The following VMP1 variants were observed in gnomAD, a reference collection of about 807,000 sequenced individuals.
VMP1 encodes ectopic P-granules autophagy protein 3 homolog.
VMP1 carries 11 observed loss-of-function variants against 56.0 expected under a neutral mutation model. That is an observed-to-expected ratio of 0.20 (90% CI 0.12 to 0.32). The LOEUF is 0.32. VMP1 is among the 10% of genes least tolerant of loss of function. The pLI, the probability that VMP1 is intolerant of heterozygous loss-of-function variation, is 1.00. For missense variants in VMP1, 296 were observed against 490.3 expected (o/e 0.60, Z 3.74); for synonymous variants, 149 against 165.0 (o/e 0.90, Z 0.74).
chr17:59,780,043 T>C (rs946722935), intron 7 of VMP1, among the ~76,000 whole-genome samples: 3 of 152,214 alleles, frequency 2.0e-5, no homozygotes, highest in African/African-American at 7.2e-5. Context: ...ATCTCTTATG[T>C]CCCTGATTAG....
intron 10 of VMP1, among the ~76,000 whole-genome samples, chr17:59,830,512 A>G (rs2038774528): frequency 6.6e-6 from 1 of 152,340 alleles, no homozygotes; most frequent in African/African-American, 2.4e-5. Flanking sequence ...AGCACAAACA[A>G]TGAAATAAAG....
At chr17:59,712,283 A>G (rs2143694211) in intron 1 of VMP1, among the ~76,000 whole-genome samples, 1 of 152,322 alleles carries the variant, frequency 6.6e-6, no homozygotes, top group South Asian at 2.1e-4. Flanking sequence ...GTAAATAAAT[A>G]TCTGAGTATA....
intron 7 of VMP1, among the ~76,000 whole-genome samples, chr17:59,796,325 G>T (rs1377844185): frequency 6.6e-6 from 1 of 152,146 alleles, no homozygotes; most frequent in Non-Finnish European, 1.5e-5. Flanking sequence ...AACTCCATGA[G>T]GTTCCAGATT....
intron 10 of VMP1, among the ~76,000 whole-genome samples, chr17:59,830,273 G>A (rs992584295): frequency 1.3e-5 from 2 of 152,110 alleles, no homozygotes; most frequent in African/African-American, 2.4e-5. Context: ...ATATTGCCCA[G>A]GCTGGTCTTG....
intron 3 of VMP1, among the ~76,000 whole-genome samples, chr17:59,736,965 C>T (rs906222222): frequency 2.6e-5 from 4 of 152,158 alleles, no homozygotes; most frequent in Non-Finnish European, 5.9e-5. Flanking sequence ...AGCTTGAACC[C>T]GGGAGGTGGA....
chr17:59,748,923 C>G (rs1218547644), intron 5 of VMP1, among the ~76,000 whole-genome samples: 4 of 146,122 alleles, frequency 2.7e-5, no homozygotes, highest in Non-Finnish European at 4.5e-5. Context: ...GAGTCTCACT[C>G]TGTCTTGAGT....
intron 1 of VMP1, among the ~76,000 whole-genome samples, chr17:59,710,115 C>T (rs960914013): frequency 6.6e-6 from 1 of 151,730 alleles, no homozygotes; most frequent in South Asian, 2.1e-4. Context: ...GAGAATGGCG[C>T]GAACCCAGGA....
chr17:59,744,411 G>A (rs1263667274), intron 5 of VMP1, among the ~76,000 whole-genome samples: 3 of 141,148 alleles, frequency 2.1e-5, no homozygotes, highest in Non-Finnish European at 3.0e-5. Context: ...GCAGTGAGCC[G>A]AGATTCCACC....
At chr17:59,831,875 T>G (rs1377105659) in intron 10 of VMP1, among the ~76,000 whole-genome samples, 1 of 151,894 alleles carries the variant, frequency 6.6e-6, no homozygotes, top group Non-Finnish European at 1.5e-5. Flanking sequence ...GGAAATGTGT[T>G]TGTTTGTTTC....
chr17:59,802,852 T>G (rs1598415839), intron 7 of VMP1, among the ~76,000 whole-genome samples: 1 of 152,252 alleles, frequency 6.6e-6, no homozygotes, highest in East Asian at 1.9e-4. Context: ...GTTCAAGCAA[T>G]TCTCCCACCT....
intron 7 of VMP1, among the ~76,000 whole-genome samples, chr17:59,781,794 A>G (rs1319305930): frequency 2.0e-5 from 3 of 152,096 alleles, no homozygotes; most frequent in Non-Finnish European, 4.4e-5. Flanking sequence ...TTTTTATGAT[A>G]TATTTTTCAT....
intron 5 of VMP1, among the ~76,000 whole-genome samples, chr17:59,764,579 C>T (rs779763219): frequency 3.3e-5 from 5 of 152,298 alleles, no homozygotes; most frequent in Non-Finnish European, 7.4e-5. Flanking sequence ...CTGGCTCAGC[C>T]GCCCAAAGTG....
intron 1 of VMP1, among the ~76,000 whole-genome samples, chr17:59,709,935 C>T (rs1426339886): frequency 2.0e-5 from 3 of 152,152 alleles, no homozygotes; most frequent in African/African-American, 4.8e-5. Context: ...CGGTGGTTCA[C>T]GCTTGTAATC....
At position 59,765,093 on chromosome 17, in the gene VMP1, T is replaced by G; in HGVS notation, c.537T>G (p.Ser179=). Residue 179 remains serine (S), a synonymous_variant, in exon 6 of 12, where the codon TCT becomes TCG. Coordinates refer to ENST00000262291, the MANE Select transcript of VMP1 (RefSeq NM_030938.5). The part of the protein sequence containing the change: ...PDEEGTEGTI[S]LWSIISKVRI... ...AAGAGGGCACTGAAGGAACCATTTC[T>G]TTGTGGAGTATCATCTCAAAAGTTA... 6.2e-7 allele frequency: 1 copy of G among 1,614,110 alleles called. No homozygotes were observed. The highest frequency in any genetic ancestry group is 8.5e-7 in the Non-Finnish European group (1 of 1,179,992).
intron 5 of VMP1, among the ~76,000 whole-genome samples, chr17:59,743,578 C>A (rs140190860): frequency 0.017 from 2,484 of 148,562 alleles, 23 homozygotes; most frequent in African/African-American, 0.032. Flanking sequence ...CTCTCTCTCT[C>A]TCTATATATA....
At chr17:59,788,418 C>A (rs533020691) in intron 7 of VMP1, among the ~76,000 whole-genome samples, 2 of 150,436 alleles carry the variant, frequency 1.3e-5, no homozygotes, top group African/African-American at 4.9e-5. Context: ...ACCCGGGAGG[C>A]GTACATTTTA....
At chr17:59,758,133 T>G (rs2035914576) in intron 5 of VMP1, among the ~76,000 whole-genome samples, 1 of 152,072 alleles carries the variant, frequency 6.6e-6, no homozygotes, top group Admixed American at 6.6e-5. Context: ...TGAGCCACCC[T>G]GCCTTGCCTA....
At chr17:59,804,285 A>G (rs2037771795) in intron 7 of VMP1, among the ~76,000 whole-genome samples, 2 of 152,120 alleles carry the variant, frequency 1.3e-5, no homozygotes, top group Admixed American at 6.6e-5. Context: ...TGTTAAAACT[A>G]TATAACTAAG....
intron 1 of VMP1, among the ~76,000 whole-genome samples, chr17:59,714,067 A>AG (rs1374844667): frequency 1.3e-5 from 2 of 150,524 alleles, no homozygotes; most frequent in Admixed American, 6.6e-5. Flanking sequence ...AAAAAAAAAA[A>AG]GAAGGTTTCT....
Sources: gnomAD v4.1 joint callset for allele counts (sites outside exome capture counted in the v4.1 genomes callset) on GRCh38, gnomAD v4.1.1 for gene constraint, MANE v1.5 for transcripts, NCBI Gene and HGNC (gene_info 2026-07-23, HGNC 2026-07-21) for gene names.